TJP2: variants seen among roughly 807,000 people sequenced by gnomAD.
TJP2 encodes the protein Friedreich ataxia region gene X104 (tight junction protein ZO-2).
TJP2 carries 91 observed loss-of-function variants against 133.1 expected under a neutral mutation model. The ratio of observed to expected loss-of-function variants is 0.68; its 90% CI spans 0.58 to 0.81. The LOEUF (loss-of-function observed/expected upper bound fraction) is 0.81. Ranked by LOEUF, TJP2 falls within the 40% of genes least tolerant of loss-of-function variation. The pLI is 0.00. For missense variants in TJP2, 1,541 were observed against 1,565.6 expected (o/e 0.98, Z 0.26); for synonymous variants, 592 against 583.4 (o/e 1.01, Z -0.21).
At chr9:69,229,355 C>G in intron 10 of TJP2, 105 bp downstream of exon 10, 1 of 1,067,944 alleles carries the variant, frequency 9.4e-7, no homozygotes, top group Non-Finnish European at 1.5e-6. Flanking sequence ...TGATTTTGTA[C>G]ACTGTCAGCC....
chr9:69,177,000 G>A (rs1339701900), intron 1 of TJP2, among the ~76,000 whole-genome samples: 2 of 152,158 alleles, frequency 1.3e-5, no homozygotes, highest in Non-Finnish European at 2.9e-5. Context: ...AGAAGGGTTC[G>A]CAATCACTGC....
intron 9 of TJP2, among the ~76,000 whole-genome samples, chr9:69,228,411 T>C (rs1480094106): frequency 2.4e-4 from 37 of 152,330 alleles, no homozygotes; most frequent in Admixed American, 2.4e-3. Flanking sequence ...TTAGGTATCA[T>C]GCTCACACCT....
chr9:69,219,119 A>T (rs1305961886), intron 4 of TJP2, among the ~76,000 whole-genome samples: 1 of 151,784 alleles, frequency 6.6e-6, no homozygotes, highest in African/African-American at 2.4e-5. Flanking sequence ...ACAGGCATGC[A>T]CCACCACACC....
chr9:69,129,088 T>G (rs1822377758), intron 1 of TJP2, among the ~76,000 whole-genome samples: 1 of 152,236 alleles, frequency 6.6e-6, no homozygotes, highest in Non-Finnish European at 1.5e-5. Context: ...GGGGAGTACG[T>G]AAGCAGGGAC....
intron 5 of TJP2, among the ~76,000 whole-genome samples, chr9:69,224,010 A>G (rs1829122820): frequency 6.6e-6 from 1 of 152,258 alleles, no homozygotes; most frequent in African/African-American, 2.4e-5. Flanking sequence ...GTTTCCTAAA[A>G]TGTGAACAGT....
intron 1 of TJP2, among the ~76,000 whole-genome samples, chr9:69,183,138 G>A (rs1220795238): frequency 1.3e-5 from 2 of 152,066 alleles, no homozygotes; most frequent in Non-Finnish European, 2.9e-5. Flanking sequence ...ATAACATTAA[G>A]TGTACCATTT....
At chr9:69,214,345 C>T (rs562388646) in intron 2 of TJP2, among the ~76,000 whole-genome samples, 5 of 152,206 alleles carry the variant, frequency 3.3e-5, no homozygotes, top group South Asian at 4.2e-4. Context: ...CTTGGCCTCC[C>T]GAAGTGCTGG....
intron 1 of TJP2, among the ~76,000 whole-genome samples, chr9:69,208,820 A>AT (rs560926376): frequency 1.6e-4 from 24 of 151,884 alleles, no homozygotes; most frequent in Non-Finnish European, 3.2e-4. Flanking sequence ...ATGTCATGTA[A>AT]TTTTTTTTCC....
intron 1 of TJP2, among the ~76,000 whole-genome samples, chr9:69,202,942 A>T (rs200627972): frequency 6.6e-6 from 1 of 152,256 alleles, no homozygotes; most frequent in Non-Finnish European, 1.5e-5. Flanking sequence ...ATTAAAAAAA[A>T]GAATTACTGC....
chr9:69,176,920 T>TA (rs1269074107), intron 1 of TJP2, among the ~76,000 whole-genome samples: 1 of 150,920 alleles, frequency 6.6e-6, no homozygotes, highest in Non-Finnish European at 1.5e-5. Flanking sequence ...AATAGTAATT[T>TA]AAAAAGTCAT....
intron 1 of TJP2, among the ~76,000 whole-genome samples, chr9:69,197,232 C>T (rs1421568209): frequency 1.3e-5 from 2 of 152,306 alleles, no homozygotes; most frequent in Admixed American, 6.5e-5. Context: ...GCTGAGATTA[C>T]AGGCGTGAGC....
At chr9:69,200,476 C>T (rs9411203) in intron 1 of TJP2, among the ~76,000 whole-genome samples, 12,950 of 152,304 alleles carry the variant, frequency 0.085, 699 homozygotes, top group Non-Finnish European at 0.12. Context: ...TAGCCTCCAA[C>T]TCCTGTGCTC....
intron 3 of TJP2, 100 bp downstream of exon 3, chr9:69,216,563 A>G (rs1828397472): frequency 7.6e-7 from 1 of 1,312,716 alleles, no homozygotes; most frequent in Non-Finnish European, 1.0e-6. Flanking sequence ...AAAAAGAAAA[A>G]AATAACAAAC....
At chr9:69,229,302 C>G in intron 10 of TJP2, 52 bp downstream of exon 10, 1 of 1,566,956 alleles carries the variant, frequency 6.4e-7, no homozygotes, top group Non-Finnish European at 8.8e-7. Flanking sequence ...AGCTCTGTCT[C>G]TGTAACTGAA....
intron 1 of TJP2, among the ~76,000 whole-genome samples, chr9:69,199,679 G>GTGCT (rs1297337607): frequency 6.6e-6 from 1 of 152,208 alleles, no homozygotes; most frequent in Admixed American, 6.5e-5. Flanking sequence ...ATTTCATTTA[G>GTGCT]TGCTCCCTCT....
rs769333755 is a variant in TJP2 at position 69,234,470 on chromosome 9, G to A, written c.1703G>A (p.Arg568Gln). 17 of 1,608,900 alleles carry A rather than the reference G, an allele frequency of 1.1e-5. No homozygotes were observed. Among genetic ancestry groups the A allele is most frequent in the Middle Eastern group, 3.3e-4 (2 of 6,078 alleles). ...ACACAGGATTTCAGAGGATTAGTGC[G>A]GGAGGATGCCGTTCTCTACCTGTTA... Reference protein sequence around the residue: ...VNTQDFRGLVREDAVLYLLEI... With the variant: ...VNTQDFRGLVQEDAVLYLLEI... The change falls in exon 12 of 23, where the codon CGG becomes CAG. Residue 568 changes from arginine to glutamine, a missense_variant. By Grantham distance (43) the Arg-to-Gln change is conservative. Coordinates refer to ENST00000377245, the MANE Select transcript of TJP2 (RefSeq NM_004817.4).
At chr9:69,227,914 A>AT in intron 8 of TJP2, 41 bp downstream of exon 8, 1 of 1,613,134 alleles carries the variant, frequency 6.2e-7, no homozygotes, top group Non-Finnish European at 8.5e-7. Context: ...GTCATTGTGA[A>AT]TGTACACACA....
chr9:69,204,782 C>T (rs1827267575), intron 1 of TJP2: 2 of 1,034,346 alleles, frequency 1.9e-6, no homozygotes, highest in East Asian at 8.1e-5. Context: ...AAATACTTCT[C>T]TAAATATTCT....
At chr9:69,217,906 C>T (rs760510427) in intron 3 of TJP2, among the ~76,000 whole-genome samples, 1 of 152,170 alleles carries the variant, frequency 6.6e-6, no homozygotes, top group Admixed American at 6.5e-5. Flanking sequence ...TTAGACTTTT[C>T]TGAAGCCCAC....
Sources: allele counts gnomAD v4.1 joint callset (sites outside exome capture counted in the v4.1 genomes callset), GRCh38; gene constraint gnomAD v4.1.1; transcripts MANE v1.5; gene names NCBI Gene and HGNC (gene_info 2026-07-23, HGNC 2026-07-21).